The following CENPF variants were observed in gnomAD, a reference collection of about 807,000 sequenced individuals.
CENPF encodes the protein centromere protein F.
Under a neutral mutation model 307.3 loss-of-function variants are expected in CENPF, and 214 were observed. The ratio of observed to expected loss-of-function variants is 0.70; its 90% CI spans 0.62 to 0.78. CENPF has a LOEUF of 0.78. CENPF is among the 30% of genes least tolerant of loss of function. The pLI is 0.00. For synonymous variants in CENPF, 1,259 were observed against 1,270.6 expected (o/e 0.99, Z 0.19); for missense variants, 3,401 against 3,483.9 (o/e 0.98, Z 0.60).
At position 214,643,058 on chromosome 1, in the gene CENPF, G is replaced by A. The variant is rs770328777; in HGVS notation, c.4720G>A (p.Gly1574Arg). 6.2e-7 allele frequency: 1 copy of A among 1,610,674 alleles called. No individual in the cohort carries two copies. The highest frequency in any genetic ancestry group is 2.2e-5 in the East Asian group (1 of 44,850). Residue 1574 changes from glycine to arginine, a missense_variant, in exon 12 of 20, where the codon GGG becomes AGG. Coordinates refer to ENST00000366955, the MANE Select transcript of CENPF (RefSeq NM_016343.4). ...GCTAGAAGAGAAAATGGAAAGTCAA[G>A]GGATTATGAAAAATAAGGAAATTCA... is the stretch of plus-strand genomic sequence containing the variant. ...EKLEEKMESQ[G>R]IMKNKEIQEL...
chr1:214,609,577 A>G (rs1203904047), intron 1 of CENPF, among the ~76,000 whole-genome samples: 1 of 152,052 alleles, frequency 6.6e-6, no homozygotes, highest in African/African-American at 2.4e-5. Context: ...ATGGCAAAAT[A>G]TTATTTTTTT....
At chr1:214,612,807 C>G (rs535400849) in intron 1 of CENPF, among the ~76,000 whole-genome samples, 1 of 152,248 alleles carries the variant, frequency 6.6e-6, no homozygotes, top group African/African-American at 2.4e-5. Flanking sequence ...TTTACAGTAT[C>G]TTAAGATAAA....
chr1:214,656,892 A>G (rs376795354), intron 17 of CENPF, 41 bp from the exon 18 acceptor site: 141 of 1,254,408 alleles, frequency 1.1e-4, no homozygotes, highest in Non-Finnish European at 1.5e-4. Flanking sequence ...TAACTAGAGA[A>G]GCATCAAGTT....
intron 1 of CENPF, 92 bp downstream of exon 1, chr1:214,603,413 G>C (rs1218833618): frequency 6.5e-6 from 1 of 152,766 alleles, no homozygotes; most frequent in African/African-American, 2.4e-5. Context: ...TTGCCGGCGG[G>C]TACTGGGCGG....
At chr1:214,611,679 T>C (rs1558168480) in intron 1 of CENPF, among the ~76,000 whole-genome samples, 1 of 152,220 alleles carries the variant, frequency 6.6e-6, no homozygotes, top group Admixed American at 6.5e-5. Flanking sequence ...TAATTCTTAT[T>C]GTACAGATCT....
At chr1:214,605,526 C>T (rs1656998345) in intron 1 of CENPF, 3 of 611,142 alleles carry the variant, frequency 4.9e-6, no homozygotes, top group Non-Finnish European at 5.8e-6. Context: ...GAGTGCGTAG[C>T]TCTGTTGCCT....
intron 1 of CENPF, among the ~76,000 whole-genome samples, chr1:214,606,999 G>T (rs1057387176): frequency 6.6e-6 from 1 of 152,190 alleles, no homozygotes; most frequent in African/African-American, 2.4e-5. Flanking sequence ...CAGCAGGGCT[G>T]TCCCCCTCCC....
chr1:214,645,949 C>T lies in CENPF; in HGVS notation c.6379C>T (p.Arg2127Cys), dbSNP rs1017170979. 1.9e-6 allele frequency: 3 copies of T among 1,613,956 alleles called. No homozygotes were observed. The highest frequency in any genetic ancestry group is 1.1e-5 in the South Asian group (1 of 91,062). The change falls in exon 13 of 20, where the codon CGC becomes TGC. Residue 2127 changes from arginine to cysteine, a missense_variant. Coordinates refer to ENST00000366955, the MANE Select transcript of CENPF (RefSeq NM_016343.4). ...LRRGIEKLRV[R>C]IEADEKKQLH... Reference sequence around the variant, plus strand: ...AAGAGGCATCGAGAAACTGAGAGTTCGCATTGAGGCCGATGAAAAGAAGCA... The same window carrying T: ...AAGAGGCATCGAGAAACTGAGAGTTTGCATTGAGGCCGATGAAAAGAAGCA...
Position 214,613,792 on chromosome 1 carries a change from CT to C in CENPF, c.39del (p.Thr14GlnfsTer17). The C allele has an allele frequency of 6.2e-7, 1 of 1,612,342 alleles. No individual in the cohort carries two copies. The highest frequency in any genetic ancestry group is 8.5e-7 in the Non-Finnish European group (1 of 1,179,400). Reference protein sequence around the residue: ...WALEEWKEGLPTRALQKIQEL... With the variant: ...WALEEWKEGLXTRALQKIQEL... ...TTGGAAGAATGGAAAGAAGGGCTGC[CT>C]ACAAGAGCTCTTCAGAAAATTCAAG... On this transcript the variant is annotated frameshift_variant, in exon 2 of 20. Transcript: ENST00000366955. LOFTEE classifies it high-confidence loss of function.
chr1:214,657,240 G>A lies in CENPF; in HGVS notation c.8793G>A (p.Lys2931=), dbSNP rs781020005. Reference sequence around the variant, plus strand: ...CTGGCCAAAATAAAGCTTCAGGCAAGAGGCAAAGATCCAGTGGAATATGGG... The same window carrying A: ...CTGGCCAAAATAAAGCTTCAGGCAAAAGGCAAAGATCCAGTGGAATATGGG... ...LSSGQNKASG[K]RQRSSGIWEN... is the part of the protein sequence containing the mutation. The change falls in exon 18 of 20, where the codon AAG becomes AAA. Residue 2931 remains lysine (K), a synonymous_variant. Transcript: ENST00000366955. 1 of 1,613,966 alleles carries A rather than the reference G, an allele frequency of 6.2e-7. No homozygotes were observed. Among genetic ancestry groups the A allele is most frequent in the East Asian group, 2.2e-5 (1 of 44,886 alleles).
At position 214,646,161 on chromosome 1, in the gene CENPF, C is replaced by T; in HGVS notation, c.6591C>T (p.Ser2197=). The change falls in exon 13 of 20, where the codon AGC becomes AGT. Residue 2197 remains serine (S), a synonymous_variant. Coordinates refer to ENST00000366955, the MANE Select transcript of CENPF (RefSeq NM_016343.4). ...CACAAATAGAAGAGATGGCCAGAAG[C>T]CTGAAAGTTTTTGAATTAGACCTTG... is the stretch of plus-strand genomic sequence containing the variant. ...LKTQIEEMAR[S]LKVFELDLVT... 6.2e-7 allele frequency: 1 copy of T among 1,613,198 alleles called. No individual in the cohort carries two copies. The highest frequency in any genetic ancestry group is 8.5e-7 in the Non-Finnish European group (1 of 1,179,836).
Position 214,659,133 on chromosome 1 carries a change from A to T in CENPF, c.9141+105A>T. 1 of 1,192,518 alleles carries T rather than the reference A, an allele frequency of 8.4e-7. No homozygotes were observed. Among genetic ancestry groups the T allele is most frequent in the South Asian group, 1.4e-5 (1 of 69,530 alleles). 73.9% of individuals were successfully genotyped at this position (1,192,518 alleles called of 1,614,324 possible). On this transcript the variant is annotated intron_variant, in intron 19 of 19. Coordinates refer to ENST00000366955, the MANE Select transcript of CENPF (RefSeq NM_016343.4). The surrounding 1 kb of genome is among the most constrained non-coding windows in gnomAD (Gnocchi z 4.4). ...CCCCCGATTCAGGAGCGCTTTCAAA[A>T]AGTCTGACCTTCTTGGTGTGGTGTA...
At position 214,651,857 on chromosome 1, in the gene CENPF, C is replaced by G. The variant is rs1311617572; in HGVS notation, c.8131C>G (p.Gln2711Glu). The change falls in exon 15 of 20, where the codon CAG becomes GAG. Residue 2711 changes from glutamine to glutamate, a missense_variant. By Grantham distance (29) the Gln-to-Glu change is conservative (BLOSUM62 2). Coordinates refer to ENST00000366955, the MANE Select transcript of CENPF (RefSeq NM_016343.4). ...GCTTCATGAAGCTGAAAAGAAACACCAGGCTTTGCTTTTGGACACAAACAA... is the reference window on the plus strand; with the variant it reads ...GCTTCATGAAGCTGAAAAGAAACACGAGGCTTTGCTTTTGGACACAAACAA... Reference protein sequence around the residue: ...LRLHEAEKKHQALLLDTNKQY... With the variant: ...LRLHEAEKKHEALLLDTNKQY... 3.7e-6 allele frequency: 6 copies of G among 1,608,654 alleles called. 1 individual carries two copies. In the South Asian group the frequency reaches 6.7e-5, roughly 18 times the overall value.
intron 1 of CENPF, chr1:214,605,587 G>A: frequency 8.8e-7 from 1 of 1,135,254 alleles, no homozygotes; most frequent in Non-Finnish European, 1.2e-6. Context: ...GGGCCGCCCG[G>A]GGGTCCACAT....
Position 214,645,914 on chromosome 1 carries a change from A to G in CENPF, c.6344A>G (p.His2115Arg), listed in dbSNP as rs1484856688. ...LRLSSTQEEV[H>R]QLRRGIEKLR... ...CTGAGCTCAACACAGGAGGAAGTGCATCAGCTGAGAAGAGGCATCGAGAAA... is the reference window on the plus strand; with the variant it reads ...CTGAGCTCAACACAGGAGGAAGTGCGTCAGCTGAGAAGAGGCATCGAGAAA... The change falls in exon 13 of 20, where the codon CAT becomes CGT. Residue 2115 changes from histidine (H) to arginine (R), a missense_variant. Physicochemically the swap from His to Arg is conservative, Grantham distance 29. Coordinates refer to ENST00000366955, the MANE Select transcript of CENPF (RefSeq NM_016343.4). The G allele has an allele frequency of 6.2e-7, 1 of 1,614,162 alleles. No individual in the cohort carries two copies. The highest frequency in any genetic ancestry group is 8.5e-7 in the Non-Finnish European group (1 of 1,180,030).
At chr1:214,608,931 G>A in intron 1 of CENPF, 28 of 1,288,426 alleles carry the variant, frequency 2.2e-5, no homozygotes, top group Non-Finnish European at 2.7e-5. Flanking sequence ...GGGGTGCTCC[G>A]AGTCGCGGGC....
rs1658161960 is a variant in CENPF, at chr1:214,642,739, C to T, written c.4401C>T (p.Gly1467=). 4 of 1,614,100 alleles carry T rather than the reference C, an allele frequency of 2.5e-6. No individual in the cohort carries two copies. The highest frequency in any genetic ancestry group is 2.7e-5 in the African/African-American group (2 of 75,042). ...QGDLVKEMQL[G]LEEGLVPSLS... is the part of the protein sequence containing the mutation. ...ACTTGGTGAAGGAGATGCAGCTGGG[C>T]TTGGAGGAGGGGCTCGTTCCATCCC... The change falls in exon 12 of 20, where the codon GGC becomes GGT. Residue 1467 remains glycine, a synonymous_variant. Coordinates refer to ENST00000366955, the MANE Select transcript of CENPF (RefSeq NM_016343.4).
At chr1:214,613,463 T>G in intron 1 of CENPF, 1 of 233,092 alleles carries the variant, frequency 4.3e-6, no homozygotes, top group Non-Finnish European at 8.3e-6. Context: ...CAGGTAGTGA[T>G]ATAAGAAGTC....
At position 214,656,956 on chromosome 1, in the gene CENPF, G is replaced by T. The variant is rs138734779; in HGVS notation, c.8509G>T (p.Asp2837Tyr). ...AGGTACTGTTATGGATACCAAGGTC[G>T]ATGAATTAACAACTGAGATCAAAGA... The part of the protein sequence containing the change: ...KTGTVMDTKV[D>Y]ELTTEIKELK... Residue 2837 changes from aspartate (D) to tyrosine (Y), a missense_variant, in exon 18 of 20, where the codon GAT (aspartate) becomes TAT (tyrosine). Transcript: ENST00000366955. The T allele has an allele frequency of 1.9e-6, 3 of 1,609,516 alleles. 1 individual carries two copies. The Middle Eastern group carries it at 5.0e-4, about 267-fold the overall frequency.
Sources: allele counts gnomAD v4.1 joint callset (sites outside exome capture counted in the v4.1 genomes callset), GRCh38; gene constraint gnomAD v4.1.1; non-coding constraint Gnocchi (gnomAD v3.1); transcripts MANE v1.5; gene names NCBI Gene and HGNC (gene_info 2026-07-23, HGNC 2026-07-21).